Variants in MPPED1 observed in about 807,000 individuals in gnomAD.
MPPED1 encodes metallophosphoesterase domain-containing protein 1.
MPPED1 carries 16 observed loss-of-function variants against 36.2 expected under a neutral mutation model. The observed-to-expected ratio is 0.44, with a 90% confidence interval of 0.30 to 0.67. The LOEUF (loss-of-function observed/expected upper bound fraction) is 0.67. MPPED1 is among the 30% of genes least tolerant of loss of function. The pLI, the probability that MPPED1 is intolerant of heterozygous loss-of-function variation, is 0.10. For synonymous variants in MPPED1, 199 were observed against 191.3 expected, an observed-to-expected ratio of 1.04 and a Z score of -0.33; for missense variants, 307 against 453.4, an observed-to-expected ratio of 0.68 and a Z score of 2.93.
chr22:43,449,136 C>T (rs981273406), intron 3 of MPPED1, among the ~76,000 whole-genome samples: 2 of 152,156 alleles, frequency 1.3e-5, no homozygotes, highest in Non-Finnish European at 2.9e-5. Flanking sequence ...GTTTCATATT[C>T]GAAATACACG....
chr22:43,434,692 G>T (rs946040752), intron 2 of MPPED1, among the ~76,000 whole-genome samples: 2 of 152,256 alleles, frequency 1.3e-5, no homozygotes, highest in Non-Finnish European at 2.9e-5. Context: ...CGAACAAAAG[G>T]CTGGAAGCTG....
chr22:43,493,008 CAT>C (rs1932151295), intron 4 of MPPED1, among the ~76,000 whole-genome samples: 1 of 152,168 alleles, frequency 6.6e-6, no homozygotes, highest in Non-Finnish European at 1.5e-5. Context: ...ATTCGTTAAA[CAT>C]AGATTTGCGT....
intron 4 of MPPED1, among the ~76,000 whole-genome samples, chr22:43,484,064 G>T (rs940706236): frequency 1.3e-5 from 2 of 152,254 alleles, no homozygotes; most frequent in Admixed American, 1.3e-4. Flanking sequence ...GGACTATGTC[G>T]CCTGGTTGCA....
chr22:43,412,681 C>CCATCCATA (rs1326464322), intron 1 of MPPED1, among the ~76,000 whole-genome samples: 6 of 151,828 alleles, frequency 4.0e-5, no homozygotes, highest in Non-Finnish European at 8.8e-5. Flanking sequence ...ATCCATCCAT[C>CCATCCATA]CATCCATCCA....
intron 1 of MPPED1, among the ~76,000 whole-genome samples, chr22:43,423,248 G>C (rs921857591): frequency 3.3e-5 from 5 of 152,202 alleles, no homozygotes; most frequent in Non-Finnish European, 5.9e-5. Flanking sequence ...CCAGATCTGG[G>C]CGGGCCTGGC....
At chr22:43,454,738 A>T (rs549209154) in intron 3 of MPPED1, among the ~76,000 whole-genome samples, 4 of 152,014 alleles carry the variant, frequency 2.6e-5, no homozygotes, top group African/African-American at 9.7e-5. Context: ...TTTAGTAGAG[A>T]TGGGGTTTTG....
chr22:43,451,876 G>A (rs1787534990), intron 3 of MPPED1, among the ~76,000 whole-genome samples: 2 of 152,146 alleles, frequency 1.3e-5, no homozygotes, highest in Admixed American at 1.3e-4. Context: ...TCACATTGTT[G>A]GAGGTTTTCC....
intron 3 of MPPED1, among the ~76,000 whole-genome samples, chr22:43,463,807 T>TTTTCTTTCTTTCTTTTTTTCTTTC (rs1491212045): frequency 1.1e-4 from 12 of 113,004 alleles, no homozygotes; most frequent in South Asian, 3.1e-4. Flanking sequence ...TCATTTTTTC[T>TTTTCTTTCTTTCTTTTTTTCTTTC]TTTCTTTCTT....
chr22:43,495,587 G>A (rs1380981641), intron 4 of MPPED1, among the ~76,000 whole-genome samples: 1 of 94,698 alleles, frequency 1.1e-5, no homozygotes, highest in African/African-American at 3.3e-5. Flanking sequence ...GGAGGTGGTG[G>A]TGGTGGAGGT....
intron 3 of MPPED1, among the ~76,000 whole-genome samples, chr22:43,457,822 T>C (rs886502239): frequency 1.3e-5 from 2 of 152,216 alleles, no homozygotes; most frequent in Non-Finnish European, 2.9e-5. Context: ...CTTTATGCTA[T>C]TATTGTCATA....
chr22:43,460,382 G>A (rs978700146), intron 3 of MPPED1, among the ~76,000 whole-genome samples: 1 of 151,196 alleles, frequency 6.6e-6, no homozygotes, highest in Non-Finnish European at 1.5e-5. Flanking sequence ...CCAGGTTGGA[G>A]TGCAGTGGCA....
intron 3 of MPPED1, among the ~76,000 whole-genome samples, chr22:43,453,246 G>A (rs1380300997): frequency 1.3e-5 from 2 of 152,038 alleles, no homozygotes; most frequent in Admixed American, 6.6e-5. Flanking sequence ...CACTGTGCCC[G>A]GCCAGTCTTA....
At chr22:43,500,402 A>G (rs374905866) in intron 5 of MPPED1, among the ~76,000 whole-genome samples, 2,554 of 24,728 alleles carry the variant, frequency 0.1, no homozygotes, top group East Asian at 0.18. Context: ...TGGAGGTGGT[A>G]GTGGTGGTGA....
chr22:43,479,390 G>T (rs1931678862), intron 4 of MPPED1, among the ~76,000 whole-genome samples: 1 of 152,270 alleles, frequency 6.6e-6, no homozygotes, highest in Admixed American at 6.5e-5. Flanking sequence ...CATGTGGGCA[G>T]GGCCGACCAG....
chr22:43,444,459 C>T (rs191079854), intron 3 of MPPED1, among the ~76,000 whole-genome samples: 16 of 151,252 alleles, frequency 1.1e-4, no homozygotes, highest in South Asian at 4.2e-4. Context: ...CTCCCCCTCC[C>T]GGGTTCAAAT....
At chr22:43,440,487 A>G (rs1270312313) in intron 3 of MPPED1, among the ~76,000 whole-genome samples, 1 of 152,090 alleles carries the variant, frequency 6.6e-6, no homozygotes, top group East Asian at 1.9e-4. Context: ...GCAGCCACTG[A>G]CCCCAAGGCC....
At chr22:43,469,589 G>T (rs2146878820) in intron 3 of MPPED1, among the ~76,000 whole-genome samples, 2 of 152,142 alleles carry the variant, frequency 1.3e-5, no homozygotes, top group Middle Eastern at 3.4e-3. Flanking sequence ...TGATGGTCAG[G>T]CCATGCTGGG....
At chr22:43,412,197 G>T (rs1928924915) in intron 1 of MPPED1, 39 bp downstream of exon 1, 1 of 966,506 alleles carries the variant, frequency 1.0e-6, no homozygotes. Context: ...GGGCGCGGGC[G>T]GGAGGCCGGG....
chr22:43,495,662 G>A (rs1387227388), intron 4 of MPPED1, among the ~76,000 whole-genome samples: 19 of 84,810 alleles, frequency 2.2e-4, no homozygotes, highest in South Asian at 4.2e-4. Context: ...GGTAGTGGTG[G>A]TGGAGGTGGT....
Sources: allele counts gnomAD v4.1 joint callset (sites outside exome capture counted in the v4.1 genomes callset), GRCh38; gene constraint gnomAD v4.1.1; transcripts MANE v1.5; gene names NCBI Gene and HGNC (gene_info 2026-07-23, HGNC 2026-07-21).